Variants in PCDHGB4 observed in about 807,000 individuals in gnomAD.
The protein encoded by PCDHGB4 is protocadherin gamma-B4.
In PCDHGB4, 38 loss-of-function variants were observed where a neutral mutation model predicts 60.5. The ratio of observed to expected loss-of-function variants is 0.63; its 90% CI spans 0.48 to 0.82. PCDHGB4 has a LOEUF of 0.82. Among genes scored for constraint, PCDHGB4 ranks in the 40% least tolerant of loss-of-function variants. PCDHGB4 has a pLI of 0.00. For synonymous variants in PCDHGB4, 456 were observed against 509.7 expected (o/e 0.89, Z 1.42); for missense variants, 1,109 against 1,209.6 (o/e 0.92, Z 1.23).
chr5:141,462,852 T>C (rs1334709435), intron 1 of PCDHGB4, among the ~76,000 whole-genome samples: 1 of 152,202 alleles, frequency 6.6e-6, no homozygotes. Flanking sequence ...TTTTGAGTGT[T>C]TGGATTTTGT....
rs1208504589 is a variant in PCDHGB4, at chr5:141,431,631, T to C, written c.2397+41350T>C. On this transcript the variant is annotated intron_variant, in intron 1 of 3. Coordinates refer to ENST00000519479, the MANE Select transcript of PCDHGB4 (RefSeq NM_003736.4). The surrounding 1 kb of genome is among the most constrained non-coding windows in gnomAD (Gnocchi z 4.8). ...TATGTGGACGACAAGGCGGCCCAAG[T>C]TTTCAAACTAGATTGTAATTCAGGG... The C allele has an allele frequency of 6.2e-6, 10 of 1,614,132 alleles. No individual in the cohort carries two copies. Among genetic ancestry groups the C allele is most frequent in the Non-Finnish European group, 8.5e-6 (10 of 1,180,016 alleles).
intron 1 of PCDHGB4, among the ~76,000 whole-genome samples, chr5:141,484,319 C>T (rs1191113560): frequency 6.6e-6 from 1 of 152,212 alleles, no homozygotes; most frequent in Non-Finnish European, 1.5e-5. Context: ...CGCTTCCATA[C>T]TGTCCTTGAA....
At position 141,511,648 on chromosome 5, in the gene PCDHGB4, G is replaced by T. The variant is rs553080689; in HGVS notation, c.*475G>T. The T allele has an allele frequency of 1.4e-5, 3 of 214,700 alleles. No homozygotes were observed. Among genetic ancestry groups the T allele is most frequent in the East Asian group, 2.1e-4 (2 of 9,414 alleles). The allele number at this position is 214,700 out of a possible 1,614,324, so 13.3% of individuals were successfully genotyped here. A position where few individuals can be genotyped will look rare whatever the true frequency, so the allele number is the denominator to read the frequency against. On this transcript the variant is annotated 3_prime_UTR_variant, in exon 4 of 4. Coordinates refer to ENST00000519479, the MANE Select transcript of PCDHGB4 (RefSeq NM_003736.4). ...AGTTGGAAGGGCATCATGACCTCTTGGCCTCTCCTTTGATTCTCAATCTTC... is the reference window on the plus strand; with the variant it reads ...AGTTGGAAGGGCATCATGACCTCTTTGCCTCTCCTTTGATTCTCAATCTTC...
chr5:141,478,382 C>A (rs1287807889), intron 1 of PCDHGB4: 2 of 1,613,552 alleles, frequency 1.2e-6, no homozygotes, highest in South Asian at 2.2e-5. Flanking sequence ...GTCGCCGCAC[C>A]TTTACCATCA....
In PCDHGB4 at chr5:141,489,906, C is replaced by T. The variant is rs550717535; in HGVS notation, c.2398-4901C>T. On this transcript the variant is annotated intron_variant, in intron 1 of 3. Transcript: ENST00000519479. The surrounding 1 kb of genome is among the most constrained non-coding windows in gnomAD (Gnocchi z 4.5). ...CTGTGGATGGGGGGACCCCAGCCCG[C>T]TCAGGGACCACCCTTATCTCTGTCA... 4.5e-5 allele frequency: 72 copies of T among 1,614,234 alleles called. No individual in the cohort carries two copies. In the African/African-American group the frequency reaches 5.6e-4, roughly 13 times the overall value.
chr5:141,457,193 A>G (rs2154565853), intron 1 of PCDHGB4, among the ~76,000 whole-genome samples: 1 of 152,356 alleles, frequency 6.6e-6, no homozygotes, highest in African/African-American at 2.4e-5. Flanking sequence ...GAGTGAGGAA[A>G]GCAGTTCCCA....
chr5:141,405,994 C>T (rs2094743060), intron 1 of PCDHGB4, among the ~76,000 whole-genome samples: 1 of 151,930 alleles, frequency 6.6e-6, no homozygotes, highest in African/African-American at 2.4e-5. Context: ...GGGTAGCTCT[C>T]AGCCTGCATT....
At chr5:141,406,497 G>A (rs918411920) in intron 1 of PCDHGB4, among the ~76,000 whole-genome samples, 2 of 152,200 alleles carry the variant, frequency 1.3e-5, no homozygotes, top group African/African-American at 4.8e-5. Context: ...TCACAAGTGT[G>A]TAAAGTCTGT....
chr5:141,431,642 G>A lies in PCDHGB4; in HGVS notation c.2397+41361G>A, dbSNP rs762914489. The A allele has an allele frequency of 6.2e-7, 1 of 1,614,272 alleles. No homozygotes were observed. The highest frequency in any genetic ancestry group is 1.1e-5 in the South Asian group (1 of 91,090). On this transcript the variant is annotated intron_variant, in intron 1 of 3. Transcript: ENST00000519479. This position sits in a 1 kb window ranked among gnomAD's most constrained non-coding sequence, Gnocchi z 4.8. ...CAAGGCGGCCCAAGTTTTCAAACTA[G>A]ATTGTAATTCAGGGACAATATCAAC... is the stretch of plus-strand genomic sequence containing the variant.
intron 3 of PCDHGB4, among the ~76,000 whole-genome samples, chr5:141,509,398 G>A (rs1218925417): frequency 6.6e-6 from 1 of 152,106 alleles, no homozygotes; most frequent in Admixed American, 6.5e-5. Context: ...GGATCTCAGG[G>A]CCTCCAGCAG....
Position 141,432,804 on chromosome 5 carries a change from C to T in PCDHGB4, c.2397+42523C>T, listed in dbSNP as rs1482036720. The T allele has an allele frequency of 1.2e-6, 2 of 1,614,182 alleles. No individual in the cohort carries two copies. Among genetic ancestry groups the T allele is most frequent in the Non-Finnish European group, 1.7e-6 (2 of 1,180,008 alleles). ...GACCTCGGCAGCCTCGAGTCTCCAG[C>T]TAACTCTGAAACCTCAGACCTCACT... is the stretch of plus-strand genomic sequence containing the variant. On this transcript the variant is annotated intron_variant, in intron 1 of 3. Transcript: ENST00000519479. This position sits in a 1 kb window ranked among gnomAD's most constrained non-coding sequence, Gnocchi z 6.0.
intron 1 of PCDHGB4, chr5:141,427,456 G>C (rs1172525843): frequency 2.0e-6 from 1 of 492,524 alleles, no homozygotes; most frequent in African/African-American, 1.9e-5. Flanking sequence ...GTTCCTTTTA[G>C]AATCGAATCT....
chr5:141,415,740 G>GTTTTTTTTTTTTTTTTTTTTTTTTTT, intron 1 of PCDHGB4: 11 of 617,992 alleles, frequency 1.8e-5, no homozygotes, highest in Middle Eastern at 5.6e-4. Context: ...GTTTATTAAG[G>GTTTTTTTTTTTTTTTTTTTTTTTTTT]TTTTTTTTTT....
chr5:141,413,224 C>G, intron 1 of PCDHGB4: 1 of 1,613,790 alleles, frequency 6.2e-7, no homozygotes, highest in Non-Finnish European at 8.5e-7. Context: ...TTGCAGCGGG[C>G]TGGTCCTGCT....
rs779191558 is a variant in PCDHGB4 at position 141,491,465 on chromosome 5, A to T, written c.2398-3342A>T. 3.1e-6 allele frequency: 5 copies of T among 1,614,092 alleles called. No homozygotes were observed. Among genetic ancestry groups the T allele is most frequent in the Non-Finnish European group, 4.2e-6 (5 of 1,180,010 alleles). On this transcript the variant is annotated intron_variant, in intron 1 of 3. Transcript: ENST00000519479. The surrounding 1 kb of genome is among the most constrained non-coding windows in gnomAD (Gnocchi z 6.9). ...CAGGACTCACCCTCCCCGGACTTCT[A>T]TAAGCAGTCCAGCCCCAACCTGCAG... is the stretch of plus-strand genomic sequence containing the variant.
Position 141,491,652 on chromosome 5 carries a change from G to T in PCDHGB4, c.2398-3155G>T. ...AGCAGCCCACAGCTCTGGCGCTGGA[G>T]CCTGACGCCATCCGGTCCCGCTCTA... On this transcript the variant is annotated intron_variant, in intron 1 of 3. Transcript: ENST00000519479. The surrounding 1 kb of genome is among the most constrained non-coding windows in gnomAD (Gnocchi z 6.9). The T allele has an allele frequency of 6.2e-7, 1 of 1,613,844 alleles. No homozygotes were observed.
intron 1 of PCDHGB4, chr5:141,403,099 C>T (rs762392585): frequency 2.5e-6 from 4 of 1,613,938 alleles, no homozygotes; most frequent in Non-Finnish European, 2.5e-6. Flanking sequence ...GCAACATCTC[C>T]AAGGACCTGG....
At chr5:141,409,471 AG>A in intron 1 of PCDHGB4, 1 of 1,613,978 alleles carries the variant, frequency 6.2e-7, no homozygotes, top group Non-Finnish European at 8.5e-7. Flanking sequence ...TCACCATCGT[AG>A]CCACTGACAG....
chr5:141,444,525 C>T (rs2098439670), intron 1 of PCDHGB4, among the ~76,000 whole-genome samples: 1 of 152,062 alleles, frequency 6.6e-6, no homozygotes, highest in African/African-American at 2.4e-5. Context: ...GTAGGTGAGA[C>T]AGTGACTGTG....
Sources: allele counts gnomAD v4.1 joint callset (sites outside exome capture counted in the v4.1 genomes callset), GRCh38; gene constraint gnomAD v4.1.1; non-coding constraint Gnocchi (gnomAD v3.1); transcripts MANE v1.5; gene names NCBI Gene and HGNC (gene_info 2026-07-23, HGNC 2026-07-21).